Variants in DAPK3 observed in about 807,000 individuals in gnomAD.
The protein encoded by DAPK3 is death-associated protein kinase 3.
Under a neutral mutation model 30.6 loss-of-function variants are expected in DAPK3, and 24 were observed. The ratio of observed to expected loss-of-function variants is 0.78; its 90% CI spans 0.57 to 1.10. The LOEUF (loss-of-function observed/expected upper bound fraction) is 1.10. Among genes scored for constraint, DAPK3 ranks in the 50% least tolerant of loss-of-function variants. DAPK3 has a pLI of 0.00. For missense variants in DAPK3, 629 were observed against 657.3 expected, an observed-to-expected ratio of 0.96 and a Z score of 0.47; for synonymous variants, 341 against 284.0, an observed-to-expected ratio of 1.20 and a Z score of -2.02.
intron 1 of DAPK3, 22 bp from the exon 2 acceptor site, chr19:3,969,851 A>G: frequency 1.4e-6 from 1 of 708,362 alleles, no homozygotes. Context: ...AGGGAAAGAC[A>G]GAAGTGAGGA....
rs1156561306 is a variant in DAPK3, at chr19:3,959,112, C to T, written c.1354G>A (p.Gly452Arg). 3 of 1,551,892 alleles carry T rather than the reference C, an allele frequency of 1.9e-6. No individual in the cohort carries two copies. Among genetic ancestry groups the T allele is most frequent in the Admixed American group, 3.6e-5 (2 of 55,208 alleles). The change falls in exon 9 of 9, where the codon GGG becomes AGG. Residue 452 changes from glycine to arginine, a missense_variant. Physicochemically the swap from Gly to Arg is moderately radical, Grantham distance 125. This residue lies in a region of DAPK3 where 323 missense variants were observed against 278.8 expected (regional missense o/e 1.16). Transcript: ENST00000545797. ...EQEKLQGVEC[G>R]LR Reference sequence around the variant, plus strand: ...CCACCCCACTGCGCCTAGCGCAGCCCGCACTCCACGCCCTGCAGCTTCTCC... The same window carrying T: ...CCACCCCACTGCGCCTAGCGCAGCCTGCACTCCACGCCCTGCAGCTTCTCC...
At position 3,961,154 on chromosome 19, in the gene DAPK3, C is replaced by T. The variant is rs770186961; in HGVS notation, c.637G>A (p.Gly213Ser). 7.4e-6 allele frequency: 12 copies of T among 1,612,282 alleles called. No individual in the cohort carries two copies. Among genetic ancestry groups the T allele is most frequent in the South Asian group, 1.1e-5 (1 of 91,050 alleles). ...GTCTCGCCCAGGAACGGGGATGCAC[C>T]GCTCAGGCTGCGAGACAGGCGTGGG... ...IGVITYILLSGASPFLGETKQ... is the reference protein window; with the variant it reads ...IGVITYILLSSASPFLGETKQ... Residue 213 changes from glycine (G) to serine (S), a missense_variant, in exon 7 of 9, where the codon GGT becomes AGT. Transcript: ENST00000545797.
Position 3,961,440 on chromosome 19 carries a change from G to A in DAPK3, c.630-279C>T, listed in dbSNP as rs202144891. The A allele has an allele frequency of 1.7e-3, 1,001 of 588,264 alleles. 12 individuals carry two copies. Among genetic ancestry groups the A allele is most frequent in the Non-Finnish European group, 1.5e-3 (453 of 295,262 alleles). 36.4% of individuals were successfully genotyped at this position (588,264 alleles called of 1,614,324 possible). On this transcript the variant is annotated intron_variant, in intron 6 of 8. Transcript: ENST00000545797. ...AAGTATCTGTGCAGACGCAGAGCCC[G>A]AAAGCCCCCAGTGCTCAGTAACGCC...
chr19:3,965,404 C>T (rs965473412), intron 2 of DAPK3, among the ~76,000 whole-genome samples: 1 of 152,170 alleles, frequency 6.6e-6, no homozygotes, highest in East Asian at 1.9e-4. Flanking sequence ...ATAACTTGAG[C>T]TGAGGAGTTC....
intron 2 of DAPK3, 27 bp downstream of exon 2, chr19:3,969,647 G>T (rs758198625): frequency 3.3e-6 from 5 of 1,514,118 alleles, no homozygotes; most frequent in Non-Finnish European, 3.7e-6. Context: ...TATCCCTGGA[G>T]CCCAGCCGTG....
At chr19:3,963,016 C>T (rs2039534987) in intron 6 of DAPK3, among the ~76,000 whole-genome samples, 1 of 151,702 alleles carries the variant, frequency 6.6e-6, no homozygotes, top group Non-Finnish European at 1.5e-5. Context: ...GCAGGAGAAT[C>T]GCTTGAACCT....
chr19:3,961,439 C>G (rs767027646), intron 6 of DAPK3: 2 of 588,048 alleles, frequency 3.4e-6, no homozygotes, highest in South Asian at 1.4e-5. Flanking sequence ...ACGCAGAGCC[C>G]GAAAGCCCCC....
At chr19:3,964,470 C>T in intron 3 of DAPK3, 97 bp from the exon 4 acceptor site, 1 of 1,024,588 alleles carries the variant, frequency 9.8e-7, no homozygotes, top group Non-Finnish European at 1.4e-6. Flanking sequence ...CGCAACCTCA[C>T]CCCCACGCTC....
chr19:3,960,803 C>CAA (rs34304441), intron 7 of DAPK3, among the ~76,000 whole-genome samples: 2,273 of 93,702 alleles, frequency 0.024, 53 homozygotes, highest in African/African-American at 0.028. Context: ...GACTCCGTCT[C>CAA]AAAAAAAAAA....
chr19:3,964,537 C>T (rs999362865), intron 3 of DAPK3, 94 bp downstream of exon 3: 2 of 1,432,160 alleles, frequency 1.4e-6, no homozygotes, highest in Non-Finnish European at 1.9e-6. Flanking sequence ...CACACCTCAC[C>T]CCCACGCGCA....
Position 3,964,732 on chromosome 19 carries a change from T to C in DAPK3, c.322A>G (p.Lys108Glu), listed in dbSNP as rs2039558136. 6.2e-7 allele frequency: 1 copy of C among 1,612,408 alleles called. No individual in the cohort carries two copies. The highest frequency in any genetic ancestry group is 8.5e-7 in the Non-Finnish European group (1 of 1,179,398). Residue 108 changes from lysine (K) to glutamate (E), a missense_variant, in exon 3 of 9, where the codon AAG (lysine) becomes GAG (glutamate). Lys to Glu is a moderately conservative substitution (Grantham distance 56). Around this residue, in one of 2 missense-constraint regions of DAPK3, gnomAD observed 306 missense variants for 378.5 expected, o/e 0.81. Coordinates refer to ENST00000545797, the MANE Select transcript of DAPK3 (RefSeq NM_001348.3). ...GGELFDFLAE[K>E]ESLTEDEATQ... is the part of the protein sequence containing the mutation. ...GCCTCGTCCTCCGTCAGCGACTCCTTCTCCGCCAGGAAGTCAAAGAGCTCC... is the reference window on the plus strand; with the variant it reads ...GCCTCGTCCTCCGTCAGCGACTCCTCCTCCGCCAGGAAGTCAAAGAGCTCC...
intron 6 of DAPK3, among the ~76,000 whole-genome samples, chr19:3,962,860 G>C (rs1044346230): frequency 6.6e-6 from 1 of 151,492 alleles, no homozygotes; most frequent in Non-Finnish European, 1.5e-5. Context: ...CAGCACTTTG[G>C]GAAGCCGAGG....
At chr19:3,960,148 C>G (rs2039493010) in intron 7 of DAPK3, 44 bp from the exon 8 acceptor site, 2 of 1,112,600 alleles carry the variant, frequency 1.8e-6, no homozygotes, top group Admixed American at 1.8e-5. Flanking sequence ...CACCATCTGT[C>G]CCGTCCTCCC....
chr19:3,962,363 G>A (rs1369536069), intron 6 of DAPK3, among the ~76,000 whole-genome samples: 3 of 152,236 alleles, frequency 2.0e-5, no homozygotes, highest in Admixed American at 6.5e-5. Flanking sequence ...CTTTGGGTCC[G>A]CTCACGCACT....
At chr19:3,960,200 G>A (rs986691667) in intron 7 of DAPK3, 96 bp from the exon 8 acceptor site, 30 of 702,426 alleles carry the variant, frequency 4.3e-5, no homozygotes, top group African/African-American at 2.4e-4. Context: ...CCCTAAAGTC[G>A]CCCCCCAGCC....
chr19:3,965,625 T>TAAAAAGTGC (rs1019676261), intron 2 of DAPK3, among the ~76,000 whole-genome samples: 7 of 150,944 alleles, frequency 4.6e-5, no homozygotes, highest in African/African-American at 1.7e-4. Flanking sequence ...CTCAAAAAAA[T>TAAAAAGTGC]AAAAAGTGCA....
chr19:3,968,223 G>A (rs113833148), intron 2 of DAPK3, among the ~76,000 whole-genome samples: 3,851 of 152,268 alleles, frequency 0.025, 126 homozygotes, highest in African/African-American at 0.079. Context: ...AGCGGGGTGC[G>A]GTGGCTCACG....
intron 2 of DAPK3, among the ~76,000 whole-genome samples, chr19:3,968,153 A>G (rs1028374639): frequency 2.8e-4 from 43 of 152,284 alleles, no homozygotes; most frequent in African/African-American, 1.0e-3. Context: ...TACAAGCTGC[A>G]TCCTATTCCA....
intron 2 of DAPK3, among the ~76,000 whole-genome samples, chr19:3,965,392 A>G (rs1332777567): frequency 6.6e-6 from 1 of 152,218 alleles, no homozygotes; most frequent in Non-Finnish European, 1.5e-5. Flanking sequence ...CGAGGAGGGC[A>G]GATAACTTGA....
Sources: gnomAD v4.1 joint callset for allele counts (sites outside exome capture counted in the v4.1 genomes callset) on GRCh38, gnomAD v4.1.1 for gene constraint, gnomAD v4.1.1 regional missense constraint, MANE v1.5 for transcripts, NCBI Gene and HGNC (gene_info 2026-07-23, HGNC 2026-07-21) for gene names.